MSH3: variants seen among roughly 807,000 people sequenced by gnomAD.
MSH3 encodes mutS homolog 3.
Under a neutral mutation model 123.3 loss-of-function variants are expected in MSH3, and 106 were observed. The ratio of observed to expected loss-of-function variants is 0.86; its 90% CI spans 0.73 to 1.01. The LOEUF is 1.01. MSH3 is among the 50% of genes least tolerant of loss of function. The probability of loss-of-function intolerance (pLI) is 0.00; values close to 1 mark genes in which losing one functional copy is unlikely to be tolerated. For missense variants in MSH3, 1,459 were observed against 1,347.6 expected (o/e 1.08, Z -1.29); for synonymous variants, 515 against 481.4 (o/e 1.07, Z -0.91).
intron 16 of MSH3, among the ~76,000 whole-genome samples, chr5:80,778,500 G>T (rs557850998): frequency 6.6e-6 from 1 of 152,108 alleles, no homozygotes; most frequent in African/African-American, 2.4e-5. Flanking sequence ...TTTGCTATAT[G>T]GGTATAATTT....
chr5:80,734,548 C>A (rs1265714138), intron 10 of MSH3, among the ~76,000 whole-genome samples: 10 of 152,120 alleles, frequency 6.6e-5, no homozygotes, highest in Non-Finnish European at 1.0e-4. Context: ...TATTTTAATT[C>A]TGTTCTTAAG....
chr5:80,799,184 G>A (rs1744748632), intron 19 of MSH3, among the ~76,000 whole-genome samples: 1 of 152,030 alleles, frequency 6.6e-6, no homozygotes, highest in Non-Finnish European at 1.5e-5. Context: ...CAGGATCCAG[G>A]TGTTGGAGGG....
At chr5:80,692,818 TATAC>T (rs1750340983) in intron 8 of MSH3, among the ~76,000 whole-genome samples, 1 of 132,560 alleles carries the variant, frequency 7.5e-6, no homozygotes, top group Non-Finnish European at 1.6e-5. Context: ...TTTAGATAAA[TATAC>T]ATACACATGT....
intron 12 of MSH3, chr5:80,746,524 A>G (rs1743723550): frequency 2.1e-6 from 1 of 475,918 alleles, no homozygotes; most frequent in African/African-American, 2.0e-5. Context: ...CAGAAGTAGT[A>G]CAAAAAGTAT....
chr5:80,858,104 G>A (rs1020749564), intron 21 of MSH3, among the ~76,000 whole-genome samples: 7 of 152,104 alleles, frequency 4.6e-5, no homozygotes, highest in African/African-American at 1.7e-4. Flanking sequence ...GACTGCAGTG[G>A]CATGAACATA....
At chr5:80,775,375 TTAAGA>T (rs1482847638) in intron 15 of MSH3, among the ~76,000 whole-genome samples, 1 of 152,158 alleles carries the variant, frequency 6.6e-6, no homozygotes, top group Non-Finnish European at 1.5e-5. Flanking sequence ...AGTAGAATTC[TTAAGA>T]TAAGTGAGTA....
chr5:80,677,034 C>T (rs369140197), intron 7 of MSH3, among the ~76,000 whole-genome samples: 13 of 152,186 alleles, frequency 8.5e-5, no homozygotes, highest in African/African-American at 2.2e-4. Flanking sequence ...CCAGGCTGCA[C>T]CTCTCTCGAG....
At chr5:80,666,851 A>G (rs993925775) in intron 3 of MSH3, among the ~76,000 whole-genome samples, 3 of 152,230 alleles carry the variant, frequency 2.0e-5, no homozygotes, top group African/African-American at 7.2e-5. Context: ...AACTCTCAAT[A>G]GGTTTCGAAA....
chr5:80,678,481 G>A (rs954389643), intron 7 of MSH3, among the ~76,000 whole-genome samples: 1 of 152,156 alleles, frequency 6.6e-6, no homozygotes, highest in African/African-American at 2.4e-5. Context: ...TGGTTACTAG[G>A]ACCATGTCAC....
chr5:80,792,081 A>G (rs1184043572), intron 18 of MSH3, among the ~76,000 whole-genome samples: 1 of 152,238 alleles, frequency 6.6e-6, no homozygotes, highest in Non-Finnish European at 1.5e-5. Flanking sequence ...AGGTCATTTC[A>G]TTTCCAAGTC....
intron 19 of MSH3, among the ~76,000 whole-genome samples, chr5:80,804,614 T>C (rs900212346): frequency 7.9e-5 from 12 of 152,232 alleles, no homozygotes; most frequent in African/African-American, 2.7e-4. Flanking sequence ...TGTCCTCCTT[T>C]ACTTTCCCCC....
At position 80,761,571 on chromosome 5, in the gene MSH3, G is replaced by A. The variant is rs1580027442; in HGVS notation, c.1789G>A (p.Val597Ile). Residue 597 changes from valine to isoleucine, a missense_variant, in exon 13 of 24, where the codon GTA (valine) becomes ATA (isoleucine). By Grantham distance (29) the Val-to-Ile change is conservative. Coordinates refer to ENST00000265081, the MANE Select transcript of MSH3 (RefSeq NM_002439.5). The stretch of plus-strand genomic sequence containing the variant: ...GGAAATAAATGCCCGGCTTGATGCT[G>A]TATCGGAAGTTCTCCATTCAGAATC... ...LREINARLDAVSEVLHSESSV... is the reference protein window; with the variant it reads ...LREINARLDAISEVLHSESSV... 6.2e-7 allele frequency: 1 copy of A among 1,614,052 alleles called. No homozygotes were observed.
At chr5:80,817,565 AT>A (rs1250965651) in intron 20 of MSH3, among the ~76,000 whole-genome samples, 2 of 152,286 alleles carry the variant, frequency 1.3e-5, no homozygotes, top group Non-Finnish European at 1.5e-5. Context: ...TATTCTAAAA[AT>A]AAATAAATTA....
chr5:80,734,981 C>T (rs940238553), intron 10 of MSH3, among the ~76,000 whole-genome samples: 6 of 152,188 alleles, frequency 3.9e-5, no homozygotes, highest in African/African-American at 1.2e-4. Flanking sequence ...GGACATTTCT[C>T]ATGCAGTTAC....
intron 12 of MSH3, among the ~76,000 whole-genome samples, chr5:80,760,878 C>T (rs6151789): frequency 0.069 from 10,548 of 152,152 alleles, 762 homozygotes; most frequent in East Asian, 0.3. Context: ...ATCATTCCCA[C>T]CCATGCTTCA....
Position 80,792,783 on chromosome 5 carries a change from C to T in MSH3, c.2594C>T (p.Pro865Leu). 6.2e-7 allele frequency: 1 copy of T among 1,613,498 alleles called. No homozygotes were observed. Among genetic ancestry groups the T allele is most frequent in the Non-Finnish European group, 8.5e-7 (1 of 1,179,668 alleles). Reference protein sequence around the residue: ...RKIVIKNGRHPVIDVLLGEQD... With the variant: ...RKIVIKNGRHLVIDVLLGEQD... Reference sequence around the variant, plus strand: ...ATTGTAATAAAAAATGGAAGGCACCCTGTGATTGATGTGTTGCTGGGAGAA... The same window carrying T: ...ATTGTAATAAAAAATGGAAGGCACCTTGTGATTGATGTGTTGCTGGGAGAA... The change falls in exon 19 of 24, where the codon CCT becomes CTT. Residue 865 changes from proline to leucine, a missense_variant. Physicochemically the swap from Pro to Leu is moderately conservative, Grantham distance 98. Coordinates refer to ENST00000265081, the MANE Select transcript of MSH3 (RefSeq NM_002439.5).
At position 80,819,414 on chromosome 5, in the gene MSH3, A is replaced by T. The variant is rs1464359536; in HGVS notation, c.2813+5673A>T. Among the ~76,000 whole-genome samples, 6 of 147,974 alleles carry T rather than the reference A, an allele frequency of 4.1e-5. No individual in the cohort carries two copies. The East Asian group carries it at 9.9e-4, about 25-fold the overall frequency. The stretch of plus-strand genomic sequence containing the variant: ...TATATATGTGTATATATGTGTGTAT[A>T]TATGTATATATGTGTGTGTATATAT... On this transcript the variant is annotated intron_variant, in intron 20 of 23. Transcript: ENST00000265081.
At chr5:80,715,452 A>G (rs2112848012) in intron 8 of MSH3, 1 of 152,110 alleles carries the variant, frequency 6.6e-6, no homozygotes, top group African/African-American at 2.4e-5. Flanking sequence ...ATTTTTCTTT[A>G]CTATTTTCTG....
At chr5:80,851,599 C>T (rs1025004278) in intron 20 of MSH3, among the ~76,000 whole-genome samples, 1 of 152,016 alleles carries the variant, frequency 6.6e-6, no homozygotes, top group African/African-American at 2.4e-5. Context: ...TTGCCTTTAA[C>T]TTTTTTATTA....
Sources: allele counts gnomAD v4.1 joint callset (sites outside exome capture counted in the v4.1 genomes callset), GRCh38; gene constraint gnomAD v4.1.1; transcripts MANE v1.5; gene names NCBI Gene and HGNC (gene_info 2026-07-23, HGNC 2026-07-21).